The following ABCC1 variants were observed in gnomAD, a reference collection of about 807,000 sequenced individuals.
ABCC1 encodes multidrug resistance-associated protein 1.
ABCC1 carries 83 observed loss-of-function variants against 172.9 expected under a neutral mutation model. That is an observed-to-expected ratio of 0.48 (90% CI 0.40 to 0.58). ABCC1 has a LOEUF of 0.58. Ranked by LOEUF, ABCC1 falls within the 20% of genes least tolerant of loss-of-function variation. ABCC1 has a pLI of 0.00. For synonymous variants in ABCC1, 937 were observed against 825.2 expected, an observed-to-expected ratio of 1.14 and a Z score of -2.32; for missense variants, 1,817 against 2,002.7, an observed-to-expected ratio of 0.91 and a Z score of 1.77.
intron 1 of ABCC1, among the ~76,000 whole-genome samples, chr16:15,950,153 GA>G (rs2045834829): frequency 6.6e-6 from 1 of 152,114 alleles, no homozygotes; most frequent in South Asian, 2.1e-4. Context: ...GGGGCGGGAA[GA>G]GGGGTGTCTC....
At chr16:16,017,062 C>T (rs2048025859) in intron 5 of ABCC1, among the ~76,000 whole-genome samples, 1 of 144,170 alleles carries the variant, frequency 6.9e-6, no homozygotes, top group African/African-American at 2.5e-5. Flanking sequence ...GCTTTCCTCA[C>T]TTGTGGCAAA....
intron 1 of ABCC1, among the ~76,000 whole-genome samples, chr16:15,951,447 C>T (rs2045870792): frequency 6.6e-6 from 1 of 151,884 alleles, no homozygotes; most frequent in Non-Finnish European, 1.5e-5. Flanking sequence ...GGACTTTCTG[C>T]CACAGAAATT....
At chr16:16,133,410 T>C (rs1002621457) in intron 27 of ABCC1, among the ~76,000 whole-genome samples, 1 of 152,106 alleles carries the variant, frequency 6.6e-6, no homozygotes, top group Non-Finnish European at 1.5e-5. Flanking sequence ...TTGTTTTGTT[T>C]TGTTTTGTTT....
At chr16:16,000,287 T>C (rs1402122010) in intron 1 of ABCC1, among the ~76,000 whole-genome samples, 1 of 151,712 alleles carries the variant, frequency 6.6e-6, no homozygotes, top group Non-Finnish European at 1.5e-5. Flanking sequence ...GCTGGGATTA[T>C]AGGCGAGTTC....
At chr16:15,951,463 GTGGT>G (rs1567270063) in intron 1 of ABCC1, among the ~76,000 whole-genome samples, 1 of 151,736 alleles carries the variant, frequency 6.6e-6, no homozygotes, top group African/African-American at 2.4e-5. Flanking sequence ...AAATTGCCAG[GTGGT>G]TGGGTTTTGC....
chr16:16,130,767 G>A (rs906839911), intron 26 of ABCC1, among the ~76,000 whole-genome samples: 2 of 152,072 alleles, frequency 1.3e-5, no homozygotes, highest in African/African-American at 4.8e-5. Context: ...AAGAATCTGG[G>A]GGCAACATTT....
chr16:16,035,760 G>A (rs549260063), intron 6 of ABCC1, among the ~76,000 whole-genome samples: 26 of 151,672 alleles, frequency 1.7e-4, no homozygotes, highest in Admixed American at 1.3e-4. Context: ...CTCCCAGAGC[G>A]CTAGGATTAT....
intron 10 of ABCC1, among the ~76,000 whole-genome samples, chr16:16,050,089 CA>C (rs1305200230): frequency 2.0e-5 from 3 of 152,182 alleles, no homozygotes; most frequent in African/African-American, 7.2e-5. Flanking sequence ...AGACATATAG[CA>C]GCTGACTTTT....
rs760915216 is a variant in ABCC1, at chr16:16,111,440, C to T, written c.2937C>T (p.Ile979=). The part of the protein sequence containing the change: ...AIGLFISFLS[I]FLFMCNHVSA... The stretch of plus-strand genomic sequence containing the variant: ...GACTCTTCATCTCCTTCCTCAGCAT[C>T]TTCCTTTTCATGTGTAACCATGTGT... Residue 979 remains isoleucine (I), a synonymous_variant, in exon 22 of 31, where the codon ATC becomes ATT. Coordinates refer to ENST00000399410, the MANE Select transcript of ABCC1 (RefSeq NM_004996.4). The T allele has an allele frequency of 6.2e-7, 1 of 1,614,188 alleles. No homozygotes were observed. The highest frequency in any genetic ancestry group is 8.5e-7 in the Non-Finnish European group (1 of 1,180,040).
chr16:16,034,045 T>TTTTTTTTG (rs56234008), intron 6 of ABCC1, among the ~76,000 whole-genome samples: 3 of 131,320 alleles, frequency 2.3e-5, no homozygotes. Flanking sequence ...TTTTTTTTTT[T>TTTTTTTTG]GAGACAGGCT....
intron 1 of ABCC1, among the ~76,000 whole-genome samples, chr16:15,950,179 C>G (rs533811810): frequency 1.3e-5 from 2 of 151,906 alleles, no homozygotes; most frequent in African/African-American, 4.8e-5. Flanking sequence ...CTTCTGTTTT[C>G]CCATCTTTTT....
rs192484001 is a variant in ABCC1, at chr16:16,088,731, C to T, written c.2461-1674C>T. On this transcript the variant is annotated intron_variant, in intron 18 of 30. Coordinates refer to ENST00000399410, the MANE Select transcript of ABCC1 (RefSeq NM_004996.4). ...TTTTTTTTCTTTTTTTTTCTGCAGA[C>T]AGGGTTTTCCTCTGTTGTCCAGGCT... Among the ~76,000 whole-genome samples the T allele has an allele frequency of 4.0e-5, 6 of 150,742 alleles. No homozygotes were observed. In the East Asian group the frequency reaches 1.2e-3, roughly 29 times the overall value.
intron 20 of ABCC1, among the ~76,000 whole-genome samples, chr16:16,106,084 C>G (rs1206247675): frequency 6.6e-6 from 1 of 151,930 alleles, no homozygotes; most frequent in African/African-American, 2.4e-5. Context: ...ACCGTGTTGG[C>G]CAGGCTAGTC....
intron 22 of ABCC1, 122 bp from the exon 23 acceptor site, chr16:16,114,644 C>CATTT: frequency 1.1e-6 from 1 of 922,310 alleles, no homozygotes; most frequent in East Asian, 2.7e-5. Flanking sequence ...CCTGGTTCAT[C>CATTT]ATTATTATTA....
At chr16:16,118,424 C>CT (rs34770208) in intron 23 of ABCC1, among the ~76,000 whole-genome samples, 3,258 of 105,912 alleles carry the variant, frequency 0.031, 96 homozygotes, top group Middle Eastern at 0.062. Flanking sequence ...TTGGTGCCAG[C>CT]TTTTTTTTTT....
At chr16:15,966,757 C>A (rs1017831638) in intron 1 of ABCC1, among the ~76,000 whole-genome samples, 1 of 149,672 alleles carries the variant, frequency 6.7e-6, no homozygotes, top group African/African-American at 2.5e-5. Flanking sequence ...CTCAAGCGAT[C>A]TTCCTGCCTT....
rs201702388 is a variant in ABCC1 at position 16,076,331 on chromosome 16, G to T, written c.1918G>T (p.Gly640Cys). ...CATGTCTCTGTGCTTTGTAGGCGGG[G>T]GCACGAACAGCATCACCGTGAGGAA... ...IERRPVKDGG[G>C]TNSITVRNAT... is the part of the protein sequence containing the mutation. Residue 640 changes from glycine to cysteine, a missense_variant, in exon 15 of 31, where the codon GGC becomes TGC. Transcript: ENST00000399410. The T allele has an allele frequency of 7.6e-5, 123 of 1,612,498 alleles. 1 individual carries two copies. The Middle Eastern group carries it at 1.7e-3, about 22-fold the overall frequency.
chr16:16,062,784 A>C (rs879864866), intron 12 of ABCC1, among the ~76,000 whole-genome samples: 1 of 152,156 alleles, frequency 6.6e-6, no homozygotes, highest in Non-Finnish European at 1.5e-5. Context: ...GGTAGGTGTG[A>C]TGGAACACAG....
In ABCC1 at chr16:16,071,743, C is replaced by G; in HGVS notation, c.1912+14C>G. The G allele has an allele frequency of 4.4e-6, 7 of 1,608,950 alleles. No individual in the cohort carries two copies. Among genetic ancestry groups the G allele is most frequent in the Non-Finnish European group, 5.9e-6 (7 of 1,176,836 alleles). On this transcript the variant is annotated intron_variant, in intron 14 of 30. Coordinates refer to ENST00000399410, the MANE Select transcript of ABCC1 (RefSeq NM_004996.4). The stretch of plus-strand genomic sequence containing the variant: ...CTGTCAAAGACGGTGTGTGTGTGTT[C>G]AGTCCTGGCTTCTGGAAGTGGCCGC...
Sources: allele counts gnomAD v4.1 joint callset (sites outside exome capture counted in the v4.1 genomes callset), GRCh38; gene constraint gnomAD v4.1.1; transcripts MANE v1.5; gene names NCBI Gene and HGNC (gene_info 2026-07-23, HGNC 2026-07-21).